Variants in CLSTN2 observed in about 807,000 individuals in gnomAD.
CLSTN2 encodes calsyntenin-2.
CLSTN2 carries 48 observed loss-of-function variants against 101.2 expected under a neutral mutation model. The observed-to-expected ratio is 0.47, with a 90% confidence interval of 0.38 to 0.60. CLSTN2 has a LOEUF of 0.60. Among genes scored for constraint, CLSTN2 ranks in the 20% least tolerant of loss-of-function variants. CLSTN2 has a pLI of 0.00. For missense variants in CLSTN2, 1,160 were observed against 1,238.2 expected (o/e 0.94, Z 0.95); for synonymous variants, 481 against 463.6 (o/e 1.04, Z -0.48).
At chr3:140,459,797 C>T (rs1414410281) in intron 7 of CLSTN2, 28 bp downstream of exon 7, 1 of 281,962 alleles carries the variant, frequency 3.5e-6, no homozygotes, top group Non-Finnish European at 5.6e-6. Context: ...CCCTTCCACC[C>T]CTCCTACCCC....
chr3:140,278,594 T>C (rs2086816479), intron 2 of CLSTN2, among the ~76,000 whole-genome samples: 1 of 152,192 alleles, frequency 6.6e-6, no homozygotes, highest in Non-Finnish European at 1.5e-5. Context: ...TTACATCCCC[T>C]GGGCCAGTCC....
intron 1 of CLSTN2, among the ~76,000 whole-genome samples, chr3:140,103,940 A>G (rs1335494225): frequency 6.6e-6 from 1 of 152,230 alleles, no homozygotes; most frequent in Non-Finnish European, 1.5e-5. Flanking sequence ...TCTGATCTCC[A>G]GAGAACTAGG....
At position 140,244,156 on chromosome 3, in the gene CLSTN2, T is replaced by C. The variant is rs529222193; in HGVS notation, c.232+68083T>C. Among the ~76,000 whole-genome samples the C allele has an allele frequency of 3.3e-5, 5 of 152,312 alleles. No individual in the cohort carries two copies. The South Asian group carries it at 1.0e-3, about 32-fold the overall frequency. ...GAGCAGAGTTGTCAAGCCAGGGTTA[T>C]GTAGCAACATGCCAGAGGTCTCCTT... On this transcript the variant is annotated intron_variant, in intron 2 of 16. Coordinates refer to ENST00000458420, the MANE Select transcript of CLSTN2 (RefSeq NM_022131.3).
chr3:139,947,952 G>C (rs1935238783), intron 1 of CLSTN2, among the ~76,000 whole-genome samples: 1 of 151,956 alleles, frequency 6.6e-6, no homozygotes, highest in African/African-American at 2.4e-5. Context: ...TCAGGGACCA[G>C]CCAAGAATCT....
At chr3:140,013,144 G>T (rs559388900) in intron 1 of CLSTN2, among the ~76,000 whole-genome samples, 2 of 152,358 alleles carry the variant, frequency 1.3e-5, no homozygotes, top group Non-Finnish European at 2.9e-5. Flanking sequence ...ATGTGGTGGG[G>T]TCACAGAACC....
At chr3:140,003,527 C>A (rs1482838843) in intron 1 of CLSTN2, among the ~76,000 whole-genome samples, 1 of 152,110 alleles carries the variant, frequency 6.6e-6, no homozygotes, top group Non-Finnish European at 1.5e-5. Context: ...TTATACCTTT[C>A]TCTTTTCTGA....
At chr3:140,092,610 C>A (rs1213093878) in intron 1 of CLSTN2, among the ~76,000 whole-genome samples, 1 of 152,094 alleles carries the variant, frequency 6.6e-6, no homozygotes, top group Non-Finnish European at 1.5e-5. Flanking sequence ...GGTGCATGAG[C>A]CTTGGGAAAC....
At chr3:139,999,911 C>A (rs759736094) in intron 1 of CLSTN2, among the ~76,000 whole-genome samples, 6 of 151,118 alleles carry the variant, frequency 4.0e-5, no homozygotes, top group Non-Finnish European at 8.8e-5. Context: ...GCTATGATCA[C>A]GCCACTGCAT....
At position 140,404,576 on chromosome 3, in the gene CLSTN2, G is replaced by T; in HGVS notation, c.447G>T (p.Gln149His). 6.2e-7 allele frequency: 1 copy of T among 1,614,158 alleles called. No individual in the cohort carries two copies. The highest frequency in any genetic ancestry group is 1.3e-5 in the African/African-American group (1 of 75,048). The part of the protein sequence containing the change: ...KKSHKAVVHI[Q>H]VKDVNEFAPT... ...GTCCCAGGGCCGTGGTCCATATACA[G>T]GTGAAGGATGTCAACGAGTTTGCTC... The change falls in exon 4 of 17, where the codon CAG becomes CAT. Residue 149 changes from glutamine to histidine, a missense_variant. Coordinates refer to ENST00000458420, the MANE Select transcript of CLSTN2 (RefSeq NM_022131.3).
intron 8 of CLSTN2, among the ~76,000 whole-genome samples, chr3:140,503,874 TCTCCTTCCAAGGGGG>T (rs1934631848): frequency 6.6e-6 from 1 of 152,076 alleles, no homozygotes; most frequent in Non-Finnish European, 1.5e-5. Context: ...AGTGGTGGGG[TCTCCTTCCAAGGGGG>T]CTCCTTAGGA....
At chr3:140,397,832 T>G (rs1401532982) in intron 2 of CLSTN2, among the ~76,000 whole-genome samples, 4 of 152,248 alleles carry the variant, frequency 2.6e-5, no homozygotes, top group African/African-American at 9.6e-5. Context: ...AATCTTTTAC[T>G]TGTACATGAC....
intron 1 of CLSTN2, among the ~76,000 whole-genome samples, chr3:140,167,567 A>G (rs2010153436): frequency 6.6e-6 from 1 of 152,186 alleles, no homozygotes; most frequent in Non-Finnish European, 1.5e-5. Context: ...CACAGACAGA[A>G]TAAGAGTCAT....
chr3:140,136,159 T>A (rs1259096230), intron 1 of CLSTN2, among the ~76,000 whole-genome samples: 2 of 152,268 alleles, frequency 1.3e-5, no homozygotes, highest in East Asian at 3.9e-4. Context: ...AAAATATCTA[T>A]CACCCTTGGT....
chr3:140,020,114 A>G (rs1026743480), intron 1 of CLSTN2, among the ~76,000 whole-genome samples: 3 of 152,190 alleles, frequency 2.0e-5, no homozygotes, highest in East Asian at 1.9e-4. Flanking sequence ...CTTATCTCCC[A>G]GGAGATAGCC....
intron 1 of CLSTN2, among the ~76,000 whole-genome samples, chr3:140,153,401 G>A (rs2107815360): frequency 6.6e-6 from 1 of 152,396 alleles, no homozygotes; most frequent in East Asian, 1.9e-4. Context: ...GGCGGGAGCT[G>A]TGGCTTGGGC....
chr3:140,234,051 C>T (rs562851317), intron 2 of CLSTN2, among the ~76,000 whole-genome samples: 1 of 152,294 alleles, frequency 6.6e-6, no homozygotes, highest in South Asian at 2.1e-4. Context: ...AAATAGGTTG[C>T]TGATACCTGC....
At chr3:140,432,183 ATTTCAGTCTCAG>A (rs762206770) in intron 5 of CLSTN2, among the ~76,000 whole-genome samples, 32,373 of 142,734 alleles carry the variant, frequency 0.23, 4,034 homozygotes, top group East Asian at 0.5. Context: ...TCAGTCTCAG[ATTTCAGTCTCAG>A]CTATGCCATA....
intron 1 of CLSTN2, among the ~76,000 whole-genome samples, chr3:140,092,855 G>A (rs2008803800): frequency 1.3e-5 from 2 of 152,196 alleles, no homozygotes; most frequent in South Asian, 4.1e-4. Flanking sequence ...TCCAGGGACG[G>A]TGACTTGCGT....
chr3:140,328,878 TCTC>T (rs1343364365), intron 2 of CLSTN2, among the ~76,000 whole-genome samples: 3 of 152,200 alleles, frequency 2.0e-5, no homozygotes, highest in Non-Finnish European at 4.4e-5. Flanking sequence ...TCAGTAAACT[TCTC>T]CTTGACACTT....
Sources: allele counts gnomAD v4.1 joint callset (sites outside exome capture counted in the v4.1 genomes callset), GRCh38; gene constraint gnomAD v4.1.1; transcripts MANE v1.5; gene names NCBI Gene and HGNC (gene_info 2026-07-23, HGNC 2026-07-21).